SMAD3: variants seen among roughly 807,000 people sequenced by gnomAD.
SMAD3 encodes the protein MAD homolog 3.
Under a neutral mutation model 51.8 loss-of-function variants are expected in SMAD3, and 12 were observed. The ratio of observed to expected loss-of-function variants is 0.23; its 90% confidence interval spans 0.15 to 0.38. The LOEUF (loss-of-function observed/expected upper bound fraction) is 0.38. Ranked by LOEUF, SMAD3 falls within the 10% of genes least tolerant of loss-of-function variation. The pLI is 1.00. For missense variants in SMAD3, 294 were observed against 565.6 expected, an observed-to-expected ratio of 0.52 and a Z score of 4.87; for synonymous variants, 238 against 227.7, an observed-to-expected ratio of 1.05 and a Z score of -0.41.
chr15:67,143,591 C>T lies in SMAD3; in HGVS notation c.207-21304C>T, dbSNP rs149110539. ...CTGGGACTACAGGCATACACCACTACGCCTGGCTCATTTTTGTCTTTTTAG... is the reference window on the plus strand; with the variant it reads ...CTGGGACTACAGGCATACACCACTATGCCTGGCTCATTTTTGTCTTTTTAG... On this transcript the variant is annotated intron_variant, in intron 1 of 8. Coordinates refer to ENST00000327367, the MANE Select transcript of SMAD3 (RefSeq NM_005902.4). 3.5e-4 allele frequency among the ~76,000 whole-genome samples: 53 copies of T among 152,266 alleles called. No individual in the cohort carries two copies. The East Asian group carries it at 4.8e-3, about 14-fold the overall frequency.
At chr15:67,165,148 G>T in intron 2 of SMAD3, 60 bp downstream of exon 2, 1 of 1,575,548 alleles carries the variant, frequency 6.3e-7, no homozygotes, top group South Asian at 1.1e-5. Context: ...CCTCTCCCCG[G>T]CTCCCCATCC....
chr15:67,102,828 G>A (rs953078193), intron 1 of SMAD3, among the ~76,000 whole-genome samples: 6 of 152,112 alleles, frequency 3.9e-5, no homozygotes, highest in Admixed American at 3.3e-4. Context: ...CCTCTGTGCA[G>A]CCCCTCTGCT....
At chr15:67,100,684 T>C (rs1960734884) in intron 1 of SMAD3, among the ~76,000 whole-genome samples, 1 of 152,204 alleles carries the variant, frequency 6.6e-6, no homozygotes, top group South Asian at 2.1e-4. Flanking sequence ...ATGGTGTCCA[T>C]GTCACTGACT....
Position 67,102,247 on chromosome 15 carries a change from AGT to A in SMAD3, c.206+35907_206+35908del, listed in dbSNP as rs56983970. Among the ~76,000 whole-genome samples, 9 of 149,206 alleles carry A rather than the reference AGT, an allele frequency of 6.0e-5. No individual in the cohort carries two copies. The South Asian group carries it at 6.5e-4, about 11-fold the overall frequency. The stretch of plus-strand genomic sequence containing the variant: ...TCAGTCTTGGGGGAAATGCTGTGAA[AGT>A]GTGTGTGTGTGTGTGTGTGCGGTGT... On this transcript the variant is annotated intron_variant, in intron 1 of 8. Transcript: ENST00000327367.
At chr15:67,102,316 GAAAA>G (rs1344583623) in intron 1 of SMAD3, among the ~76,000 whole-genome samples, 1 of 151,722 alleles carries the variant, frequency 6.6e-6, no homozygotes, top group African/African-American at 2.4e-5. Context: ...TTGAGAGAAA[GAAAA>G]AAGCCAGGAG....
chr15:67,111,501 A>C (rs976300933), intron 1 of SMAD3, among the ~76,000 whole-genome samples: 4 of 152,200 alleles, frequency 2.6e-5, no homozygotes, highest in Non-Finnish European at 5.9e-5. Context: ...TATCTTGAGT[A>C]GATACCTAGA....
intron 1 of SMAD3, among the ~76,000 whole-genome samples, chr15:67,139,733 T>C (rs1443243274): frequency 6.6e-6 from 1 of 152,168 alleles, no homozygotes; most frequent in Non-Finnish European, 1.5e-5. Context: ...GTAAGTAGAA[T>C]TATTATTTCA....
At chr15:67,144,782 G>A (rs894607632) in intron 1 of SMAD3, among the ~76,000 whole-genome samples, 4 of 152,194 alleles carry the variant, frequency 2.6e-5, no homozygotes, top group Non-Finnish European at 2.9e-5. Flanking sequence ...CCTGATGCAC[G>A]TTTCCAGTTT....
intron 4 of SMAD3, among the ~76,000 whole-genome samples, 192 bp downstream of exon 4, chr15:67,167,045 T>C (rs937221207): frequency 6.6e-6 from 1 of 152,048 alleles, no homozygotes; most frequent in African/African-American, 2.4e-5. Context: ...ATGGGGGAGA[T>C]TGACAGGACA....
chr15:67,092,455 A>C (rs888288466), intron 1 of SMAD3, among the ~76,000 whole-genome samples: 2 of 152,212 alleles, frequency 1.3e-5, no homozygotes, highest in South Asian at 2.1e-4. Context: ...CAGCATCACC[A>C]GGGAACTTAC....
intron 1 of SMAD3, among the ~76,000 whole-genome samples, chr15:67,154,586 C>G (rs950752103): frequency 9.9e-5 from 15 of 152,148 alleles, no homozygotes; most frequent in African/African-American, 3.6e-4. Flanking sequence ...ATGAAAAGAA[C>G]AGGCTAATGT....
chr15:67,191,364 A>G lies in SMAD3; in HGVS notation c.*828A>G, dbSNP rs2140329602. 4.3e-6 allele frequency: 1 copy of G among 233,442 alleles called. No individual in the cohort carries two copies. The highest frequency in any genetic ancestry group is 6.0e-5 in the East Asian group (1 of 16,724). 14.5% of individuals were successfully genotyped at this position (233,442 alleles called of 1,614,324 possible). A position where few individuals can be genotyped will look rare whatever the true frequency, so the allele number is the denominator to read the frequency against. ...ACGGTAAGTGTTCTCATGAAGCAGG[A>G]GGCCCTTGTCGTGGGATGGCATTTG... On this transcript the variant is annotated 3_prime_UTR_variant, in exon 9 of 9. Transcript: ENST00000327367.
chr15:67,136,559 G>C (rs1013440401), intron 1 of SMAD3, among the ~76,000 whole-genome samples: 2 of 152,124 alleles, frequency 1.3e-5, no homozygotes, highest in African/African-American at 4.8e-5. Flanking sequence ...TCGAACTCCT[G>C]ACCTCAGGTG....
At chr15:67,128,654 C>T (rs1458571308) in intron 1 of SMAD3, among the ~76,000 whole-genome samples, 2 of 152,060 alleles carry the variant, frequency 1.3e-5, no homozygotes, top group African/African-American at 4.8e-5. Flanking sequence ...TCACTGCAGC[C>T]TCAAACCTCT....
chr15:67,087,077 G>A (rs1960410429), intron 1 of SMAD3, among the ~76,000 whole-genome samples: 1 of 151,922 alleles, frequency 6.6e-6, no homozygotes, highest in African/African-American at 2.4e-5. Flanking sequence ...TAGTAGAGAT[G>A]GGGTTTCACT....
At chr15:67,180,619 T>C (rs1963025370) in intron 5 of SMAD3, among the ~76,000 whole-genome samples, 1 of 151,336 alleles carries the variant, frequency 6.6e-6, no homozygotes, top group Non-Finnish European at 1.5e-5. Context: ...ATGCCTGGTG[T>C]GTCCACTGCG....
intron 5 of SMAD3, among the ~76,000 whole-genome samples, chr15:67,177,257 A>G (rs112396933): frequency 0.016 from 2,425 of 152,148 alleles, 88 homozygotes; most frequent in African/African-American, 0.057. Context: ...TGTCTTGTCT[A>G]CTAGGAAGCT....
At chr15:67,176,833 C>T (rs1397366814) in intron 5 of SMAD3, among the ~76,000 whole-genome samples, 1 of 152,154 alleles carries the variant, frequency 6.6e-6, no homozygotes, top group Non-Finnish European at 1.5e-5. Flanking sequence ...TCTCCAACAC[C>T]TCTGCACTGG....
At chr15:67,113,488 A>G (rs1294021640) in intron 1 of SMAD3, among the ~76,000 whole-genome samples, 1 of 152,208 alleles carries the variant, frequency 6.6e-6, no homozygotes, top group East Asian at 1.9e-4. Flanking sequence ...GTAAAGATAG[A>G]CAAGGAAATT....
Sources: gnomAD v4.1 joint callset for allele counts (sites outside exome capture counted in the v4.1 genomes callset) on GRCh38, gnomAD v4.1.1 for gene constraint, MANE v1.5 for transcripts, NCBI Gene and HGNC (gene_info 2026-07-23, HGNC 2026-07-21) for gene names.